COG4: variants seen among roughly 807,000 people sequenced by gnomAD.
COG4 encodes the protein conserved oligomeric Golgi complex subunit 4.
In COG4, 65 loss-of-function variants were observed where a neutral mutation model predicts 95.1. The observed-to-expected ratio is 0.68, with a 90% CI of 0.56 to 0.84. The LOEUF is 0.84. Among genes scored for constraint, COG4 ranks in the 40% least tolerant of loss-of-function variants. The pLI is 0.00. For missense variants in COG4, 1,045 were observed against 989.1 expected, an observed-to-expected ratio of 1.06 and a Z score of -0.76; for synonymous variants, 421 against 374.8, an observed-to-expected ratio of 1.12 and a Z score of -1.42.
intron 9 of COG4, among the ~76,000 whole-genome samples, 158 bp downstream of exon 9, chr16:70,500,800 G>A (rs1159816408): frequency 6.6e-6 from 1 of 152,166 alleles, no homozygotes; most frequent in Non-Finnish European, 1.5e-5. Context: ...CTAAAATCCA[G>A]TAAATTTAGA....
rs2048982205 is a variant in COG4, at chr16:70,481,132, G to A, written c.2248C>T (p.Leu750Phe). 1 of 1,613,458 alleles carries A rather than the reference G, an allele frequency of 6.2e-7. No individual in the cohort carries two copies. The highest frequency in any genetic ancestry group is 8.5e-7 in the Non-Finnish European group (1 of 1,179,970). ...ILNLERVTEI[L>F]DYWGPNSGPL... ...CCGGAATTGGGTCCCCAGTAATCGAGGATCTCGGTCACCTGTGGGGAAGGA... is the reference window on the plus strand; with the variant it reads ...CCGGAATTGGGTCCCCAGTAATCGAAGATCTCGGTCACCTGTGGGGAAGGA... Residue 750 changes from leucine (L) to phenylalanine (F), a missense_variant, in exon 19 of 19, where the codon CTC becomes TTC. Coordinates refer to ENST00000323786, the MANE Select transcript of COG4 (RefSeq NM_015386.3).
At position 70,482,813 on chromosome 16, in the gene COG4, C is replaced by G; in HGVS notation, c.1836G>C (p.Leu612=). ...TGATGGCTGTGCTGTTGAGCTCCGT[C>G]AGCCCTTCCTGCACAAGGACAAGGT... ...NKFRDLLQEG[L]TELNSTAIKP... The change falls in exon 15 of 19, where the codon CTG becomes CTC. Residue 612 remains leucine (L), a synonymous_variant. Transcript: ENST00000323786. 6.2e-7 allele frequency: 1 copy of G among 1,613,604 alleles called. No individual in the cohort carries two copies. Among genetic ancestry groups the G allele is most frequent in the Non-Finnish European group, 8.5e-7 (1 of 1,179,732 alleles).
At chr16:70,497,095 A>G in intron 11 of COG4, 126 bp downstream of exon 11, 1 of 942,044 alleles carries the variant, frequency 1.1e-6, no homozygotes, top group Non-Finnish European at 1.7e-6. Context: ...TATCTTAGGG[A>G]TAGGAGCTGA....
At chr16:70,502,320 C>T (rs1421920718) in intron 8 of COG4, among the ~76,000 whole-genome samples, 1 of 136,826 alleles carries the variant, frequency 7.3e-6, no homozygotes, top group Non-Finnish European at 1.5e-5. Flanking sequence ...AGAGGCCGGG[C>T]GCAGTGGCTC....
At chr16:70,485,205 C>CTT (rs1262821692) in intron 13 of COG4, among the ~76,000 whole-genome samples, 2,109 of 130,366 alleles carry the variant, frequency 0.016, 83 homozygotes, top group African/African-American at 0.055. Flanking sequence ...CCCTGTCTCT[C>CTT]TTTTTTTTTT....
At chr16:70,489,007 A>C (rs904033836) in intron 13 of COG4, among the ~76,000 whole-genome samples, 3 of 152,190 alleles carry the variant, frequency 2.0e-5, no homozygotes, top group African/African-American at 7.2e-5. Context: ...GAGGTTACAG[A>C]ACTTTTGCCT....
intron 12 of COG4, among the ~76,000 whole-genome samples, chr16:70,490,724 C>T (rs2049226908): frequency 6.6e-6 from 1 of 151,892 alleles, no homozygotes. Flanking sequence ...GGCTCTGTCA[C>T]CCAGGCTGGA....
intron 3 of COG4, chr16:70,516,043 A>C: frequency 2.2e-6 from 1 of 455,948 alleles, no homozygotes; most frequent in Non-Finnish European, 4.4e-6. Context: ...GAGTGTTTCT[A>C]CCACGAAAGG....
In COG4 at chr16:70,492,691, G is replaced by A. The variant is rs554415263; in HGVS notation, c.1648-2299C>T. ...AAAAAAAAAAAGGTAGCATGGGCAC[G>A]GTGGCTCACACCTGTAATCCCAGCA... is the stretch of plus-strand genomic sequence containing the variant. On this transcript the variant is annotated intron_variant, in intron 12 of 18. Coordinates refer to ENST00000323786, the MANE Select transcript of COG4 (RefSeq NM_015386.3). 2.1e-4 allele frequency among the ~76,000 whole-genome samples: 31 copies of A among 148,102 alleles called. No individual in the cohort carries two copies. In the East Asian group the frequency reaches 5.7e-3, roughly 27 times the overall value.
Position 70,481,875 on chromosome 16 carries a change from G to A in COG4, c.2005-10C>T, listed in dbSNP as rs771165671. On this transcript the variant is annotated splice_polypyrimidine_tract_variant and intron_variant, in intron 16 of 18. Coordinates refer to ENST00000323786, the MANE Select transcript of COG4 (RefSeq NM_015386.3). The stretch of plus-strand genomic sequence containing the variant: ...CCGGGGACAGGCTGGCCTGCACACA[G>A]AGGGTTGACATCAGCCGAGCCCCAC... The A allele has an allele frequency of 1.2e-6, 2 of 1,611,040 alleles. No homozygotes were observed. Among genetic ancestry groups the A allele is most frequent in the South Asian group, 2.2e-5 (2 of 90,814 alleles).
intron 7 of COG4, 115 bp downstream of exon 7, chr16:70,509,116 T>C (rs950478321): frequency 2.2e-6 from 3 of 1,342,116 alleles, no homozygotes; most frequent in African/African-American, 2.9e-5. Context: ...GCTTAGCATT[T>C]ATTTTTCTCC....
At chr16:70,516,379 C>T (rs556704382) in intron 3 of COG4, among the ~76,000 whole-genome samples, 1 of 151,746 alleles carries the variant, frequency 6.6e-6, no homozygotes, top group Non-Finnish European at 1.5e-5. Context: ...TCACTGTAAG[C>T]TCTGCCTTCT....
Position 70,508,498 on chromosome 16 carries a change from C to T in COG4, c.1003-34G>A, listed in dbSNP as rs374270451. The T allele has an allele frequency of 5.7e-6, 9 of 1,584,604 alleles. No homozygotes were observed. The African/African-American group carries it at 1.2e-4, about 21-fold the overall frequency. ...TACCACAGGAATGAGAATATTCTTC[C>T]CCACCCCCACATCTATTGGCCTCTT... is the stretch of plus-strand genomic sequence containing the variant. On this transcript the variant is annotated intron_variant, in intron 7 of 18. Coordinates refer to ENST00000323786, the MANE Select transcript of COG4 (RefSeq NM_015386.3).
chr16:70,506,714 A>G (rs2049585886), intron 8 of COG4, among the ~76,000 whole-genome samples: 1 of 147,332 alleles, frequency 6.8e-6, no homozygotes, highest in Non-Finnish European at 1.5e-5. Context: ...TGAGTCCACG[A>G]GTTGGTGGTT....
At chr16:70,513,938 T>C (rs1185969213) in intron 4 of COG4, among the ~76,000 whole-genome samples, 2 of 152,284 alleles carry the variant, frequency 1.3e-5, no homozygotes, top group East Asian at 3.9e-4. Context: ...CTGGGCGCAG[T>C]AGCTTACACC....
chr16:70,507,130 C>A lies in COG4; in HGVS notation c.1061+1276G>T, dbSNP rs568003697. ...GCTACTGATATGTGTCCCAGCTACT[C>A]GGGAGGCCGAGGTGGGAGGATTGCT... On this transcript the variant is annotated intron_variant, in intron 8 of 18. Coordinates refer to ENST00000323786, the MANE Select transcript of COG4 (RefSeq NM_015386.3). Among the ~76,000 whole-genome samples, 9 of 152,050 alleles carry A rather than the reference C, an allele frequency of 5.9e-5. No homozygotes were observed. The South Asian group carries it at 1.9e-3, about 32-fold the overall frequency.
chr16:70,508,942 C>T (rs1287785922), intron 7 of COG4: 7 of 544,386 alleles, frequency 1.3e-5, no homozygotes, highest in Non-Finnish European at 2.0e-5. Context: ...TTAGAGGGCA[C>T]TGTTGCACAT....
intron 4 of COG4, 38 bp from the exon 5 acceptor site, chr16:70,512,470 A>G (rs1567393065): frequency 6.4e-7 from 1 of 1,565,464 alleles, no homozygotes; most frequent in South Asian, 1.1e-5. Flanking sequence ...CAAGTAAAGA[A>G]TAGTACTGTG....
At chr16:70,486,658 T>C (rs2049142410) in intron 13 of COG4, among the ~76,000 whole-genome samples, 1 of 152,182 alleles carries the variant, frequency 6.6e-6, no homozygotes, top group African/African-American at 2.4e-5. Flanking sequence ...AACAGACTCA[T>C]GTTAAGGATG....
Sources: gnomAD v4.1 joint callset for allele counts (sites outside exome capture counted in the v4.1 genomes callset) on GRCh38, gnomAD v4.1.1 for gene constraint, MANE v1.5 for transcripts, NCBI Gene and HGNC (gene_info 2026-07-23, HGNC 2026-07-21) for gene names.